Variants in PARD3 observed in about 807,000 individuals in gnomAD.
PARD3 encodes the protein partitioning defective 3 homolog.
PARD3 carries 75 observed loss-of-function variants against 155.4 expected under a neutral mutation model. That is an observed-to-expected ratio of 0.48 (90% confidence interval 0.40 to 0.58). The LOEUF (loss-of-function observed/expected upper bound fraction) is 0.58. PARD3 is among the 20% of genes least tolerant of loss of function. The pLI is 0.00. For synonymous variants in PARD3, 576 were observed against 610.5 expected (o/e 0.94, Z 0.83); for missense variants, 1,642 against 1,721.7 (o/e 0.95, Z 0.82).
chr10:34,364,097 T>C (rs1022793506), intron 12 of PARD3, among the ~76,000 whole-genome samples: 1 of 152,168 alleles, frequency 6.6e-6, no homozygotes, highest in Admixed American at 6.5e-5. Context: ...AGCTGGCCTA[T>C]AGGCCCAAAT....
chr10:34,122,819 C>T (rs548006848), intron 23 of PARD3, among the ~76,000 whole-genome samples: 1 of 152,126 alleles, frequency 6.6e-6, no homozygotes, highest in Admixed American at 6.6e-5. Context: ...ACTGGATGAA[C>T]AGTATTACAA....
intron 1 of PARD3, among the ~76,000 whole-genome samples, chr10:34,741,080 A>G (rs1318599490): frequency 6.6e-6 from 1 of 152,146 alleles, no homozygotes; most frequent in Non-Finnish European, 1.5e-5. Context: ...ACAGGCTAAC[A>G]GACTATACTC....
chr10:34,744,961 C>T (rs1590919644), intron 1 of PARD3, among the ~76,000 whole-genome samples: 1 of 152,188 alleles, frequency 6.6e-6, no homozygotes, highest in East Asian at 1.9e-4. Flanking sequence ...CCCTCTGCAT[C>T]CTCGACCACC....
chr10:34,739,179 C>T (rs2094964881), intron 1 of PARD3, among the ~76,000 whole-genome samples: 1 of 152,084 alleles, frequency 6.6e-6, no homozygotes, highest in Non-Finnish European at 1.5e-5. Flanking sequence ...AGAAAGAGGA[C>T]ACTAACTGAA....
intron 4 of PARD3, among the ~76,000 whole-genome samples, chr10:34,453,115 G>A (rs1238266950): frequency 6.6e-6 from 1 of 152,126 alleles, no homozygotes; most frequent in Non-Finnish European, 1.5e-5. Flanking sequence ...AACACTATAG[G>A]TAGACCAGAG....
intron 12 of PARD3, among the ~76,000 whole-genome samples, chr10:34,371,485 T>TAAAAAAAAA (rs1840606997): frequency 3.4e-5 from 1 of 29,632 alleles, no homozygotes; most frequent in Non-Finnish European, 7.0e-5. Context: ...GATTCTAGAC[T>TAAAAAAAAA]CAAAAAAAAA....
intron 2 of PARD3, among the ~76,000 whole-genome samples, chr10:34,538,141 G>A (rs1314897285): frequency 9.2e-5 from 14 of 152,172 alleles, no homozygotes; most frequent in East Asian, 1.9e-4. Context: ...GCGAGACTCC[G>A]TCTCAAAAAT....
chr10:34,786,862 GC>G (rs1841024533), intron 1 of PARD3, among the ~76,000 whole-genome samples: 1 of 152,096 alleles, frequency 6.6e-6, no homozygotes, highest in African/African-American at 2.4e-5. Context: ...GCCAAAAATG[GC>G]ATGCAGAGTT....
intron 4 of PARD3, among the ~76,000 whole-genome samples, chr10:34,463,301 G>GAGGGGAAAGGGA (rs1160317485): frequency 1.7e-5 from 2 of 120,560 alleles, no homozygotes; most frequent in Admixed American, 1.7e-4. Context: ...CAAGAAAGGG[G>GAGGGGAAAGGGA]AGGGGAAAGG....
intron 3 of PARD3, among the ~76,000 whole-genome samples, chr10:34,505,348 G>A (rs1425379740): frequency 6.6e-6 from 1 of 152,184 alleles, no homozygotes; most frequent in Non-Finnish European, 1.5e-5. Context: ...TAATAGTCAA[G>A]GGTAAAAGGA....
At chr10:34,311,674 C>CT (rs937594025) in intron 20 of PARD3, among the ~76,000 whole-genome samples, 13 of 152,304 alleles carry the variant, frequency 8.5e-5, no homozygotes, top group South Asian at 4.1e-4. Context: ...AGTAGCTCTG[C>CT]TTTTTTCACA....
chr10:34,366,022 C>A (rs1444241981), intron 12 of PARD3, among the ~76,000 whole-genome samples: 2 of 152,196 alleles, frequency 1.3e-5, no homozygotes, highest in Non-Finnish European at 2.9e-5. Context: ...CTACACATGA[C>A]TGAATTTTCT....
At chr10:34,736,158 A>T (rs2094910183) in intron 1 of PARD3, among the ~76,000 whole-genome samples, 1 of 151,750 alleles carries the variant, frequency 6.6e-6, no homozygotes, top group South Asian at 2.1e-4. Context: ...CAGCCTCCCG[A>T]GTAGCTGGGA....
chr10:34,135,466 G>C (rs1013514717), intron 22 of PARD3, among the ~76,000 whole-genome samples: 2 of 152,200 alleles, frequency 1.3e-5, no homozygotes, highest in Non-Finnish European at 2.9e-5. Flanking sequence ...ATGTGACCCT[G>C]AATTATATGG....
At chr10:34,432,041 C>CAAAAAAAAAAAAAAAAAAAAAAAAAAA (rs142848273) in intron 5 of PARD3, among the ~76,000 whole-genome samples, 1 of 21,592 alleles carries the variant, frequency 4.6e-5, no homozygotes, top group African/African-American at 1.2e-4. Flanking sequence ...GACTCTGTCT[C>CAAAAAAAAAAAAAAAAAAAAAAAAAAA]AAAAAAAAAA....
intron 21 of PARD3, among the ~76,000 whole-genome samples, chr10:34,278,930 A>C (rs894576363): frequency 2.0e-5 from 3 of 152,172 alleles, no homozygotes; most frequent in Non-Finnish European, 4.4e-5. Flanking sequence ...TACTCACTCA[A>C]GTAATGTTCA....
chr10:34,805,869 C>T (rs1031758217), intron 1 of PARD3, among the ~76,000 whole-genome samples: 2 of 151,572 alleles, frequency 1.3e-5, no homozygotes, highest in Non-Finnish European at 2.9e-5. Context: ...CCCAGCTACT[C>T]GGGAGGCTGA....
Position 34,145,838 on chromosome 10 carries a change from T to C in PARD3, c.3420-14255A>G, listed in dbSNP as rs557152925. Among the ~76,000 whole-genome samples the C allele has an allele frequency of 8.5e-5, 13 of 152,330 alleles. No homozygotes were observed. The East Asian group carries it at 2.3e-3, about 27-fold the overall frequency. ...TTTCACATGTTTTTCTGCCCTTTTA[T>C]ATTTAAGAGTGAAGCACTAAAAAGC... On this transcript the variant is annotated intron_variant, in intron 22 of 24. Coordinates refer to ENST00000374788, the MANE Select transcript of PARD3 (RefSeq NM_001184785.2).
At chr10:34,617,211 C>T (rs1040872766) in intron 2 of PARD3, among the ~76,000 whole-genome samples, 1 of 151,736 alleles carries the variant, frequency 6.6e-6, no homozygotes. Flanking sequence ...GCCGAGATCA[C>T]GCACCATTAC....
Sources: allele counts gnomAD v4.1 joint callset (sites outside exome capture counted in the v4.1 genomes callset), GRCh38; gene constraint gnomAD v4.1.1; transcripts MANE v1.5; gene names NCBI Gene and HGNC (gene_info 2026-07-23, HGNC 2026-07-21).